MYO5A: variants seen among roughly 807,000 people sequenced by gnomAD.
MYO5A encodes the protein unconventional myosin-Va.
Under a neutral mutation model 249.7 loss-of-function variants are expected in MYO5A, and 98 were observed. That is an observed-to-expected ratio of 0.39 (90% CI 0.33 to 0.46). MYO5A has a LOEUF of 0.46. Among genes scored for constraint, MYO5A ranks in the 20% least tolerant of loss-of-function variants. The probability of loss-of-function intolerance (pLI) is 0.98; values close to 1 mark genes in which losing one functional copy is unlikely to be tolerated. For missense variants in MYO5A, 1,696 were observed against 2,308.8 expected (o/e 0.73, Z 5.44); for synonymous variants, 778 against 810.6 (o/e 0.96, Z 0.68).
chr15:52,472,555 G>T (rs142049711), intron 1 of MYO5A, among the ~76,000 whole-genome samples: 606 of 151,768 alleles, frequency 4.0e-3, no homozygotes, highest in Middle Eastern at 0.024. Context: ...TCCCCCCACC[G>T]CACAACAGGC....
At chr15:52,459,035 T>A (rs2076178002) in intron 1 of MYO5A, among the ~76,000 whole-genome samples, 2 of 151,486 alleles carry the variant, frequency 1.3e-5, no homozygotes, top group African/African-American at 4.8e-5. Flanking sequence ...GGTCTCGCTC[T>A]GTTGCCCAGG....
intron 1 of MYO5A, among the ~76,000 whole-genome samples, chr15:52,478,345 A>G (rs1050059305): frequency 6.6e-6 from 1 of 151,790 alleles, no homozygotes; most frequent in African/African-American, 2.4e-5. Context: ...GAATTCCCCG[A>G]CCCCTTGTGC....
intron 36 of MYO5A, among the ~76,000 whole-genome samples, chr15:52,325,192 G>C (rs1567020744): frequency 6.6e-6 from 1 of 152,168 alleles, no homozygotes. Flanking sequence ...CGGGCTATGG[G>C]AGAGTGTCAC....
Position 52,317,010 on chromosome 15 carries a change from A to AATCTTT in MYO5A, c.5409+37_5409+38insAAAGAT, listed in dbSNP as rs767750371. ...ACTTCCCTAAAGATCATCTTTGATG[A>AATCTTT]ATGTTAAATTATTTTGTAACAGGGA... is the stretch of plus-strand genomic sequence containing the variant. On this transcript the variant is annotated intron_variant, in intron 40 of 41. Coordinates refer to ENST00000399233, the MANE Select transcript of MYO5A (RefSeq NM_001382347.1). The AATCTTT allele has an allele frequency of 2.0e-5, 31 of 1,589,048 alleles. No individual in the cohort carries two copies. The East Asian group carries it at 6.7e-4, about 34-fold the overall frequency.
At chr15:52,388,905 T>C (rs1482262731) in intron 13 of MYO5A, among the ~76,000 whole-genome samples, 2 of 152,134 alleles carry the variant, frequency 1.3e-5, no homozygotes, top group Admixed American at 6.5e-5. Flanking sequence ...TAGTGAAATA[T>C]GAATATTTCC....
intron 9 of MYO5A, among the ~76,000 whole-genome samples, chr15:52,401,260 G>C (rs532608517): frequency 1.3e-5 from 2 of 152,160 alleles, no homozygotes; most frequent in East Asian, 3.9e-4. Context: ...AGTAGAGAGA[G>C]GGTTTTGCCA....
chr15:52,326,756 G>A (rs1205831709), intron 36 of MYO5A, among the ~76,000 whole-genome samples: 1 of 152,072 alleles, frequency 6.6e-6, no homozygotes, highest in Non-Finnish European at 1.5e-5. Context: ...CATAAAAGAA[G>A]TCTTAGATTT....
At chr15:52,317,837 G>A (rs1330655544) in intron 39 of MYO5A, among the ~76,000 whole-genome samples, 2 of 152,178 alleles carry the variant, frequency 1.3e-5, no homozygotes, top group Non-Finnish European at 2.9e-5. Flanking sequence ...GACATTGTAG[G>A]TTTCACAAAA....
chr15:52,370,467 T>G, intron 21 of MYO5A, 50 bp from the exon 22 acceptor site: 1 of 1,549,488 alleles, frequency 6.5e-7, no homozygotes, highest in Non-Finnish European at 8.9e-7. Flanking sequence ...TATCATCAAA[T>G]GTATTTAGTA....
intron 8 of MYO5A, among the ~76,000 whole-genome samples, chr15:52,406,125 C>A (rs1201242955): frequency 6.6e-6 from 1 of 152,120 alleles, no homozygotes; most frequent in Admixed American, 6.6e-5. Flanking sequence ...TTTTAAATAA[C>A]ATAAGAATCT....
chr15:52,394,216 G>A (rs1377210273), intron 11 of MYO5A, among the ~76,000 whole-genome samples: 3 of 152,184 alleles, frequency 2.0e-5, no homozygotes, highest in Non-Finnish European at 2.9e-5. Context: ...GAGACCCCAC[G>A]TTCCTAGTCA....
At chr15:52,427,549 A>T (rs1052990880) in intron 3 of MYO5A, among the ~76,000 whole-genome samples, 1 of 152,186 alleles carries the variant, frequency 6.6e-6, no homozygotes, top group Admixed American at 6.5e-5. Context: ...CAATTGAGAA[A>T]CAGAAATAGT....
Position 52,353,926 on chromosome 15 carries a change from A to G in MYO5A, c.3512T>C (p.Val1171Ala). The change falls in exon 26 of 42, where the codon GTG (valine) becomes GCG (alanine). Residue 1171 changes from valine to alanine, a missense_variant. This residue lies in a region of MYO5A where 625 missense variants were observed against 908.1 expected (regional missense o/e 0.69). Transcript: ENST00000399233. Reference sequence around the variant, plus strand: ...CTTGCGGTCCAGCTCATCCTGCATCACCTGCTTCTCCTGCTCCAGCTCTGT... The same window carrying G: ...CTTGCGGTCCAGCTCATCCTGCATCGCCTGCTTCTCCTGCTCCAGCTCTGT... ...RVTELEQEKQVMQDELDRKEE... is the reference protein window; with the variant it reads ...RVTELEQEKQAMQDELDRKEE... 6.2e-7 allele frequency: 1 copy of G among 1,614,182 alleles called. No individual in the cohort carries two copies. The highest frequency in any genetic ancestry group is 8.5e-7 in the Non-Finnish European group (1 of 1,180,040).
chr15:52,353,660 T>G lies in MYO5A; in HGVS notation c.3568-2A>C, dbSNP rs781244855. 1 of 1,612,862 alleles carries G rather than the reference T, an allele frequency of 6.2e-7. No individual in the cohort carries two copies. The highest frequency in any genetic ancestry group is 8.5e-7 in the Non-Finnish European group (1 of 1,178,812). ...TCTAATTTGTGGTCTTTCTTCTTCC[T>G]AGGGAAAAGTTAAAGTTTTATATTT... On this transcript the variant is annotated splice_acceptor_variant, in intron 26 of 41. Coordinates refer to ENST00000399233, the MANE Select transcript of MYO5A (RefSeq NM_001382347.1). LOFTEE classifies it high-confidence loss of function.
intron 1 of MYO5A, among the ~76,000 whole-genome samples, chr15:52,519,868 T>C (rs2077579505): frequency 6.6e-6 from 1 of 151,838 alleles, no homozygotes; most frequent in Non-Finnish European, 1.5e-5. Flanking sequence ...GTAGCTGGGA[T>C]TACAGGCACA....
chr15:52,473,330 C>T (rs766009249), intron 1 of MYO5A, among the ~76,000 whole-genome samples: 9 of 152,166 alleles, frequency 5.9e-5, no homozygotes, highest in Non-Finnish European at 1.0e-4. Flanking sequence ...AAAATTTTCT[C>T]CCATTCTGTA....
chr15:52,411,718 T>C (rs2141239875), intron 5 of MYO5A, among the ~76,000 whole-genome samples: 1 of 152,344 alleles, frequency 6.6e-6, no homozygotes, highest in Admixed American at 6.5e-5. Flanking sequence ...TTAAGAGTGA[T>C]ACAAATGTAA....
At chr15:52,378,248 C>T (rs1185530446) in intron 18 of MYO5A, among the ~76,000 whole-genome samples, 4 of 151,906 alleles carry the variant, frequency 2.6e-5, no homozygotes, top group African/African-American at 9.7e-5. Context: ...GCAGGCTGGG[C>T]GCAGTGGCTC....
chr15:52,409,353 T>G (rs1240130108), intron 6 of MYO5A, among the ~76,000 whole-genome samples: 1 of 152,062 alleles, frequency 6.6e-6, no homozygotes, highest in East Asian at 1.9e-4. Flanking sequence ...TAGACACTTT[T>G]CAAAAAAAAC....
Sources: gnomAD v4.1 joint callset for allele counts (sites outside exome capture counted in the v4.1 genomes callset) on GRCh38, gnomAD v4.1.1 for gene constraint, gnomAD v4.1.1 regional missense constraint, MANE v1.5 for transcripts, NCBI Gene and HGNC (gene_info 2026-07-23, HGNC 2026-07-21) for gene names.